ACP7: variants seen among roughly 807,000 people sequenced by gnomAD.
ACP7 encodes the protein acid phosphatase type 7.
In ACP7, 58 loss-of-function variants were observed where a neutral mutation model predicts 60.6. The observed-to-expected ratio is 0.96, with a 90% CI of 0.77 to 1.19. The LOEUF (loss-of-function observed/expected upper bound fraction) is 1.19, where lower values mean the gene tolerates loss of function less well. Among genes scored for constraint, ACP7 ranks in the 50% most tolerant of loss-of-function variants. ACP7 has a pLI of 0.00. For synonymous variants in ACP7, 237 were observed against 232.6 expected, an observed-to-expected ratio of 1.02 and a Z score of -0.17; for missense variants, 574 against 596.2, an observed-to-expected ratio of 0.96 and a Z score of 0.39.
At chr19:39,102,990 C>T (rs914640876) in intron 11 of ACP7, among the ~76,000 whole-genome samples, 4 of 151,642 alleles carry the variant, frequency 2.6e-5, no homozygotes, top group Non-Finnish European at 4.4e-5. Flanking sequence ...GGTGCCCACC[C>T]CCATGCCCGG....
chr19:39,100,506 C>T (rs979829731), intron 5 of ACP7, 74 bp from the exon 6 acceptor site: 21 of 1,601,644 alleles, frequency 1.3e-5, no homozygotes, highest in African/African-American at 9.4e-5. Context: ...CAGGGCCTGA[C>T]AGTGGCGGGG....
intron 2 of ACP7, among the ~76,000 whole-genome samples, chr19:39,090,864 TAAGA>T (rs1420458179): frequency 1.3e-5 from 2 of 151,624 alleles, no homozygotes; most frequent in Non-Finnish European, 2.9e-5. Context: ...AATTTTATTA[TAAGA>T]AAGAGCTGTC....
chr19:39,107,086 T>C lies in ACP7; in HGVS notation c.1251+2T>C. 7 of 1,613,650 alleles carry C rather than the reference T, an allele frequency of 4.3e-6. No individual in the cohort carries two copies. Among genetic ancestry groups the C allele is most frequent in the Non-Finnish European group, 5.9e-6 (7 of 1,179,796 alleles). On this transcript the variant is annotated splice_donor_variant, in intron 12 of 12. Coordinates refer to ENST00000331256, the MANE Select transcript of ACP7 (RefSeq NM_001004318.3). LOFTEE classifies it high-confidence loss of function. Reference sequence around the variant, plus strand: ...ATCCAGCAGGTGTCGGACGACCAGGTCAGTGAGGGGCAGGCCGAAGTCACC... The same window carrying C: ...ATCCAGCAGGTGTCGGACGACCAGGCCAGTGAGGGGCAGGCCGAAGTCACC...
chr19:39,104,710 C>A (rs1444515385), intron 11 of ACP7, among the ~76,000 whole-genome samples: 1 of 152,012 alleles, frequency 6.6e-6, no homozygotes, highest in African/African-American at 2.4e-5. Flanking sequence ...ATGGCAAAAC[C>A]CCGTCTCTAC....
Position 39,098,675 on chromosome 19 carries a change from G to A in ACP7, c.322+17G>A, listed in dbSNP as rs2073300591. 1.3e-6 allele frequency: 2 copies of A among 1,598,120 alleles called. No homozygotes were observed. The highest frequency in any genetic ancestry group is 1.7e-5 in the Admixed American group (1 of 58,160). Reference sequence around the variant, plus strand: ...TTCAGTATGGTGAGAGGGGCCCCAGGCTGAGCTGTTGAGGAGGAGTGGGAA... The same window carrying A: ...TTCAGTATGGTGAGAGGGGCCCCAGACTGAGCTGTTGAGGAGGAGTGGGAA... On this transcript the variant is annotated intron_variant, in intron 3 of 12. Coordinates refer to ENST00000331256, the MANE Select transcript of ACP7 (RefSeq NM_001004318.3).
At chr19:39,098,231 G>A (rs2073289607) in intron 2 of ACP7, among the ~76,000 whole-genome samples, 2 of 130,644 alleles carry the variant, frequency 1.5e-5, no homozygotes, top group Non-Finnish European at 1.5e-5. Context: ...TCCAGCCTAG[G>A]AGGCAGAGTA....
intron 2 of ACP7, among the ~76,000 whole-genome samples, chr19:39,085,767 C>T (rs2073134670): frequency 6.6e-6 from 1 of 152,226 alleles, no homozygotes; most frequent in South Asian, 2.1e-4. Flanking sequence ...CCAGCCCCTT[C>T]TCCATCCCTC....
intron 2 of ACP7, among the ~76,000 whole-genome samples, chr19:39,092,729 A>G (rs1003458968): frequency 1.3e-5 from 2 of 150,366 alleles, no homozygotes; most frequent in Non-Finnish European, 2.9e-5. Flanking sequence ...GACTCAGACC[A>G]GTGTCTCTGT....
intron 2 of ACP7, among the ~76,000 whole-genome samples, chr19:39,090,465 G>T (rs189233375): frequency 9.3e-5 from 14 of 150,202 alleles, no homozygotes; most frequent in African/African-American, 3.4e-4. Context: ...CACTGTGCCC[G>T]GCCAATAACT....
intron 2 of ACP7, among the ~76,000 whole-genome samples, chr19:39,087,782 C>T (rs1018683347): frequency 5.3e-5 from 8 of 151,974 alleles, no homozygotes; most frequent in East Asian, 1.9e-4. Context: ...TACAGGCATG[C>T]ACCACCACAC....
chr19:39,100,719 C>T lies in ACP7; in HGVS notation c.693-20C>T. The T allele has an allele frequency of 6.2e-7, 1 of 1,613,480 alleles. No individual in the cohort carries two copies. The highest frequency in any genetic ancestry group is 8.5e-7 in the Non-Finnish European group (1 of 1,179,460). On this transcript the variant is annotated intron_variant, in intron 6 of 12. Transcript: ENST00000331256. ...GCAGGGGAGCCCTGGTCCCTGACCCCTGCCCTTTGACTCCTCCAGCTGGGA... is the reference window on the plus strand; with the variant it reads ...GCAGGGGAGCCCTGGTCCCTGACCCTTGCCCTTTGACTCCTCCAGCTGGGA...
At chr19:39,086,914 A>ATTT (rs2073149046) in intron 2 of ACP7, among the ~76,000 whole-genome samples, 5 of 152,218 alleles carry the variant, frequency 3.3e-5, no homozygotes, top group African/African-American at 1.2e-4. Context: ...TTCAGTATTA[A>ATTT]TGTATATGAT....
upstream of ACP7, chr19:39,084,301 G>T (rs1306575087): frequency 6.6e-6 from 1 of 152,348 alleles, no homozygotes; most frequent in Non-Finnish European, 1.5e-5. Context: ...GGGCTGGGAC[G>T]GCTGTAGGCG....
In ACP7 at chr19:39,098,992, C is replaced by A. The variant is rs201058003; in HGVS notation, c.355C>A (p.Arg119Ser). Residue 119 changes from arginine to serine, a missense_variant, in exon 4 of 13, where the codon CGT (arginine) becomes AGT (serine). Coordinates refer to ENST00000331256, the MANE Select transcript of ACP7 (RefSeq NM_001004318.3). ...CTGTGGCAGTGCGCAGGGCTGGAGCCGTCGGTTCCGCTTCAGGGCCCTCAA... is the reference window on the plus strand; with the variant it reads ...CTGTGGCAGTGCGCAGGGCTGGAGCAGTCGGTTCCGCTTCAGGGCCCTCAA... ...YRCGSAQGWS[R>S]RFRFRALKNG... 7.8e-5 allele frequency: 126 copies of A among 1,612,036 alleles called. No homozygotes were observed. The highest frequency in any genetic ancestry group is 1.0e-4 in the Non-Finnish European group (118 of 1,179,110).
intron 11 of ACP7, among the ~76,000 whole-genome samples, chr19:39,102,353 C>G (rs559152076): frequency 6.6e-6 from 1 of 151,278 alleles, no homozygotes; most frequent in Admixed American, 6.7e-5. Context: ...TGGGGGAGAT[C>G]CTGTTAGACC....
At chr19:39,104,401 T>G (rs186471443) in intron 11 of ACP7, among the ~76,000 whole-genome samples, 73 of 152,252 alleles carry the variant, frequency 4.8e-4, no homozygotes, top group African/African-American at 1.6e-3. Flanking sequence ...AAAAGTCCAG[T>G]GCTTGGGCCT....
chr19:39,098,253 C>CAAAAAAAA (rs59373149), intron 2 of ACP7, among the ~76,000 whole-genome samples: 22 of 64,938 alleles, frequency 3.4e-4, no homozygotes, highest in African/African-American at 6.4e-4. Flanking sequence ...GACCCTGACT[C>CAAAAAAAA]AAAAAAAAAA....
intron 2 of ACP7, among the ~76,000 whole-genome samples, chr19:39,088,956 G>C (rs2073175070): frequency 6.7e-6 from 1 of 150,360 alleles, no homozygotes; most frequent in Non-Finnish European, 1.5e-5. Flanking sequence ...TTGAGTCGTA[G>C]TCTCACTCTG....
upstream of ACP7, chr19:39,084,280 C>G (rs2073114780): frequency 6.6e-6 from 1 of 152,420 alleles, no homozygotes; most frequent in Non-Finnish European, 1.5e-5. Context: ...CCGAGGCGAC[C>G]GGCTCTTCCG....
Sources: allele counts gnomAD v4.1 joint callset (sites outside exome capture counted in the v4.1 genomes callset), GRCh38; gene constraint gnomAD v4.1.1; transcripts MANE v1.5; gene names NCBI Gene and HGNC (gene_info 2026-07-23, HGNC 2026-07-21).